NRG3: variants seen among roughly 807,000 people sequenced by gnomAD.
NRG3 encodes the protein pro-neuregulin-3, membrane-bound isoform.
NRG3 carries 31 observed loss-of-function variants against 66.9 expected under a neutral mutation model. The observed-to-expected ratio is 0.46, with a 90% confidence interval of 0.35 to 0.63. NRG3 has a LOEUF of 0.63. Among genes scored for constraint, NRG3 ranks in the 20% least tolerant of loss-of-function variants. The pLI is 0.00. For missense variants in NRG3, 910 were observed against 878.9 expected, an observed-to-expected ratio of 1.04 and a Z score of -0.45; for synonymous variants, 393 against 359.4, an observed-to-expected ratio of 1.09 and a Z score of -1.06.
chr10:82,147,089 G>T (rs2070318979), intron 1 of NRG3, among the ~76,000 whole-genome samples: 1 of 152,222 alleles, frequency 6.6e-6, no homozygotes, highest in African/African-American at 2.4e-5. Context: ...GATCCAGTTT[G>T]CAGGTTGGGG....
intron 2 of NRG3, among the ~76,000 whole-genome samples, chr10:82,685,932 A>G (rs2054477217): frequency 6.6e-6 from 1 of 152,186 alleles, no homozygotes; most frequent in South Asian, 2.1e-4. Context: ...CTTCAGGGAC[A>G]ATAACACACA....
chr10:82,466,768 C>A (rs1840717591), intron 2 of NRG3, among the ~76,000 whole-genome samples: 1 of 151,966 alleles, frequency 6.6e-6, no homozygotes, highest in African/African-American at 2.4e-5. Flanking sequence ...AGTCTAGATC[C>A]TCAGGTTAAA....
chr10:82,862,288 C>T (rs2064171752), intron 3 of NRG3, among the ~76,000 whole-genome samples: 1 of 152,172 alleles, frequency 6.6e-6, no homozygotes, highest in South Asian at 2.1e-4. Context: ...GCACCAAAAG[C>T]ACAAGAAACT....
chr10:82,895,681 G>A (rs1334360117), intron 4 of NRG3, among the ~76,000 whole-genome samples: 3 of 151,870 alleles, frequency 2.0e-5, no homozygotes, highest in South Asian at 2.1e-4. Context: ...TAATAGAGAC[G>A]GTGTTTCACC....
intron 1 of NRG3, among the ~76,000 whole-genome samples, chr10:81,942,342 G>T (rs761391344): frequency 9.2e-5 from 14 of 152,188 alleles, no homozygotes; most frequent in Middle Eastern, 3.4e-3. Flanking sequence ...GATGCTACCC[G>T]CTTTCTGAAA....
chr10:82,389,779 C>T (rs1033949623), intron 2 of NRG3, among the ~76,000 whole-genome samples: 8 of 152,100 alleles, frequency 5.3e-5, no homozygotes, highest in African/African-American at 1.7e-4. Context: ...AAAAAAGTTT[C>T]CATTATGTAC....
At chr10:82,070,758 G>T (rs1055582967) in intron 1 of NRG3, among the ~76,000 whole-genome samples, 1 of 152,126 alleles carries the variant, frequency 6.6e-6, no homozygotes, top group Non-Finnish European at 1.5e-5. Context: ...TTTCAATCTT[G>T]TTGGTGTTCA....
chr10:82,879,980 T>C (rs980547607), intron 4 of NRG3, among the ~76,000 whole-genome samples: 2 of 149,172 alleles, frequency 1.3e-5, no homozygotes, highest in African/African-American at 5.0e-5. Context: ...TTTTTTTTTT[T>C]TGCATGAGAA....
chr10:82,439,338 G>T (rs556855386), intron 2 of NRG3, among the ~76,000 whole-genome samples: 52 of 151,638 alleles, frequency 3.4e-4, no homozygotes, highest in African/African-American at 1.2e-3. Flanking sequence ...TTTGTTTGTG[G>T]TTCTTTTATG....
chr10:82,086,684 G>A (rs1038640904), intron 1 of NRG3, among the ~76,000 whole-genome samples: 2 of 152,108 alleles, frequency 1.3e-5, no homozygotes, highest in African/African-American at 2.4e-5. Flanking sequence ...TCCTGGTTCT[G>A]TGAATTATGC....
At chr10:82,743,882 A>G (rs1247077415) in intron 3 of NRG3, among the ~76,000 whole-genome samples, 1 of 152,216 alleles carries the variant, frequency 6.6e-6, no homozygotes, top group Non-Finnish European at 1.5e-5. Context: ...TTTAATATAT[A>G]GGAACATGTG....
At chr10:82,678,463 C>T (rs2134099936) in intron 2 of NRG3, among the ~76,000 whole-genome samples, 1 of 152,250 alleles carries the variant, frequency 6.6e-6, no homozygotes, top group South Asian at 2.1e-4. Context: ...GTAATGTCAT[C>T]AGTTAAGGCA....
At chr10:81,893,721 A>G (rs1045546074) in intron 1 of NRG3, among the ~76,000 whole-genome samples, 12 of 152,182 alleles carry the variant, frequency 7.9e-5, no homozygotes, top group Non-Finnish European at 1.6e-4. Flanking sequence ...TAGTTAGTAA[A>G]TATCATTAGT....
At chr10:82,974,219 C>T (rs921330843) in intron 7 of NRG3, among the ~76,000 whole-genome samples, 2 of 152,064 alleles carry the variant, frequency 1.3e-5, no homozygotes, top group African/African-American at 4.8e-5. Flanking sequence ...TGTTATCTAG[C>T]CTGCCTTTTC....
At chr10:82,488,861 GA>G (rs566332374) in intron 2 of NRG3, among the ~76,000 whole-genome samples, 1 of 151,646 alleles carries the variant, frequency 6.6e-6, no homozygotes, top group Admixed American at 6.6e-5. Flanking sequence ...AAATATTTAG[GA>G]AAAAAAATGT....
intron 1 of NRG3, chr10:82,230,351 A>T (rs1417718510): frequency 6.6e-6 from 1 of 152,136 alleles, no homozygotes. Flanking sequence ...TAGAACAGGG[A>T]ATCTTTTGGG....
At chr10:82,133,769 G>T (rs1449475966) in intron 1 of NRG3, among the ~76,000 whole-genome samples, 12 of 152,008 alleles carry the variant, frequency 7.9e-5, no homozygotes, top group Non-Finnish European at 7.4e-5. Flanking sequence ...TTCTCTGGGT[G>T]GTATATACCC....
intron 1 of NRG3, among the ~76,000 whole-genome samples, chr10:82,101,837 C>T (rs920726413): frequency 2.6e-5 from 4 of 150,972 alleles, no homozygotes; most frequent in East Asian, 2.0e-4. Context: ...TCAGTTTGGT[C>T]GATACTGTGG....
chr10:82,059,670 TG>T (rs2064032184), intron 1 of NRG3, among the ~76,000 whole-genome samples: 1 of 152,198 alleles, frequency 6.6e-6, no homozygotes. Flanking sequence ...ATCGGCGCTA[TG>T]TCAGTGCCTC....
Sources: allele counts gnomAD v4.1 joint callset (sites outside exome capture counted in the v4.1 genomes callset), GRCh38; gene constraint gnomAD v4.1.1; transcripts MANE v1.5; gene names NCBI Gene and HGNC (gene_info 2026-07-23, HGNC 2026-07-21).